The following PTPRD variants were observed in gnomAD, a reference collection of about 807,000 sequenced individuals.
The protein encoded by PTPRD is receptor-type tyrosine-protein phosphatase delta.
A neutral mutation model predicts 214.5 loss-of-function variants in PTPRD; 34 were observed. The ratio of observed to expected loss-of-function variants is 0.16; its 90% CI spans 0.12 to 0.21. The LOEUF (loss-of-function observed/expected upper bound fraction) is 0.21. Among genes scored for constraint, PTPRD ranks in the 10% least tolerant of loss-of-function variants. PTPRD has a pLI of 1.00. For synonymous variants in PTPRD, 1,128 were observed against 845.7 expected (o/e 1.33, Z -5.79); for missense variants, 2,545 against 2,398.7 (o/e 1.06, Z -1.27).
chr9:8,340,627 G>C (rs1588113368), intron 41 of PTPRD, among the ~76,000 whole-genome samples, 158 bp from the exon 42 acceptor site: 1 of 152,026 alleles, frequency 6.6e-6, no homozygotes, highest in African/African-American at 2.4e-5. Flanking sequence ...TCAAATAAGA[G>C]CATTTAATAC....
At chr9:9,095,441 A>G (rs1004273122) in intron 10 of PTPRD, among the ~76,000 whole-genome samples, 16 of 152,322 alleles carry the variant, frequency 1.1e-4, no homozygotes, top group African/African-American at 3.4e-4. Context: ...CAGTTGTTTC[A>G]ATGTCAATTT....
chr9:8,451,292 C>A (rs1396554476), intron 33 of PTPRD, among the ~76,000 whole-genome samples: 1 of 152,148 alleles, frequency 6.6e-6, no homozygotes, highest in East Asian at 1.9e-4. Flanking sequence ...CTGAGGATTT[C>A]TTCTTTCTAC....
intron 5 of PTPRD, among the ~76,000 whole-genome samples, chr9:9,900,686 G>C (rs2076205099): frequency 7.4e-6 from 1 of 135,492 alleles, no homozygotes. Context: ...TGCCAGGCTG[G>C]AATGCAGTGG....
intron 9 of PTPRD, among the ~76,000 whole-genome samples, chr9:9,255,443 G>A (rs1030754624): frequency 6.6e-6 from 1 of 151,974 alleles, no homozygotes; most frequent in African/African-American, 2.4e-5. Context: ...AAAGGATTAA[G>A]ATCTATTTTC....
At chr9:9,805,063 G>A (rs774647365) in intron 5 of PTPRD, among the ~76,000 whole-genome samples, 11 of 152,000 alleles carry the variant, frequency 7.2e-5, no homozygotes, top group Non-Finnish European at 1.3e-4. Flanking sequence ...GAAGTTAAGT[G>A]TAAACACTCT....
intron 14 of PTPRD, among the ~76,000 whole-genome samples, chr9:8,542,820 C>G (rs1025735791): frequency 6.6e-6 from 1 of 152,202 alleles, no homozygotes; most frequent in Non-Finnish European, 1.5e-5. Flanking sequence ...TCAGCATCCT[C>G]ACTACAGACG....
At chr9:9,483,867 T>A (rs2095518801) in intron 8 of PTPRD, among the ~76,000 whole-genome samples, 1 of 151,806 alleles carries the variant, frequency 6.6e-6, no homozygotes, top group South Asian at 2.1e-4. Context: ...GAAGTTAAAA[T>A]TTTGAAAATC....
At chr9:8,869,307 A>G (rs1298505146) in intron 11 of PTPRD, among the ~76,000 whole-genome samples, 1 of 152,212 alleles carries the variant, frequency 6.6e-6, no homozygotes, top group Non-Finnish European at 1.5e-5. Context: ...ATTTACAACT[A>G]GGACACATGG....
intron 9 of PTPRD, among the ~76,000 whole-genome samples, chr9:9,382,959 G>T (rs1056509109): frequency 6.6e-6 from 1 of 151,900 alleles, no homozygotes; most frequent in Non-Finnish European, 1.5e-5. Flanking sequence ...TTATATAATA[G>T]AATATTATGT....
At chr9:9,114,409 G>T (rs2099810199) in intron 10 of PTPRD, among the ~76,000 whole-genome samples, 1 of 152,064 alleles carries the variant, frequency 6.6e-6, no homozygotes, top group Non-Finnish European at 1.5e-5. Flanking sequence ...TCCTATTCAG[G>T]GCTTGTACAA....
intron 3 of PTPRD, among the ~76,000 whole-genome samples, chr9:10,115,816 T>C (rs1418157169): frequency 1.3e-5 from 2 of 152,110 alleles, no homozygotes; most frequent in African/African-American, 4.8e-5. Context: ...GCCTCTTAAA[T>C]ATAGGACAAT....
intron 3 of PTPRD, among the ~76,000 whole-genome samples, chr9:10,038,964 C>A (rs907005541): frequency 6.6e-6 from 1 of 152,006 alleles, no homozygotes; most frequent in Non-Finnish European, 1.5e-5. Flanking sequence ...TGATTCCAAA[C>A]ACTTTATTCT....
At chr9:9,778,607 G>A (rs1597536666) in intron 5 of PTPRD, among the ~76,000 whole-genome samples, 1 of 152,214 alleles carries the variant, frequency 6.6e-6, no homozygotes, top group African/African-American at 2.4e-5. Flanking sequence ...CATGCTCCCT[G>A]TCTGCCCCCT....
At chr9:9,289,196 T>G (rs1950398567) in intron 9 of PTPRD, among the ~76,000 whole-genome samples, 1 of 151,820 alleles carries the variant, frequency 6.6e-6, no homozygotes, top group South Asian at 2.1e-4. Flanking sequence ...CTTTTATTAA[T>G]TAAACTAACA....
chr9:8,390,883 C>T (rs147310194), intron 36 of PTPRD, among the ~76,000 whole-genome samples: 100 of 152,296 alleles, frequency 6.6e-4, no homozygotes, highest in African/African-American at 2.3e-3. Context: ...TAGATTTACT[C>T]TGTTGAGTTC....
At position 8,733,852 on chromosome 9, in the gene PTPRD, T is replaced by C; in HGVS notation, c.-9A>G. On this transcript the variant is annotated 5_prime_UTR_variant, in exon 12 of 46. Coordinates refer to ENST00000381196, the MANE Select transcript of PTPRD (RefSeq NM_002839.4). ...CTGGCTACGTGCACCATCCTGCAGC[T>C]TGGCAGCAGCGTGCGCGAGCAGCTT... is the stretch of plus-strand genomic sequence containing the variant. The C allele has an allele frequency of 6.4e-7, 1 of 1,550,650 alleles. No individual in the cohort carries two copies. Among genetic ancestry groups the C allele is most frequent in the Non-Finnish European group, 8.7e-7 (1 of 1,146,998 alleles).
intron 2 of PTPRD, among the ~76,000 whole-genome samples, chr9:10,483,138 C>G (rs145756693): frequency 6.6e-6 from 1 of 152,134 alleles, no homozygotes; most frequent in Non-Finnish European, 1.5e-5. Context: ...CAAATACTTA[C>G]AACCAACTGA....
At chr9:9,486,889 C>G (rs977003376) in intron 8 of PTPRD, among the ~76,000 whole-genome samples, 1 of 152,064 alleles carries the variant, frequency 6.6e-6, no homozygotes, top group Non-Finnish European at 1.5e-5. Flanking sequence ...TGGGTCATGC[C>G]TGCTTTCTTT....
intron 11 of PTPRD, among the ~76,000 whole-genome samples, chr9:8,885,645 T>C (rs2098481213): frequency 6.6e-6 from 1 of 151,814 alleles, no homozygotes. Flanking sequence ...TATGGGTGCC[T>C]GCCACCACAC....
Sources: allele counts gnomAD v4.1 joint callset (sites outside exome capture counted in the v4.1 genomes callset), GRCh38; gene constraint gnomAD v4.1.1; transcripts MANE v1.5; gene names NCBI Gene and HGNC (gene_info 2026-07-23, HGNC 2026-07-21).